Variants in GNMT observed in about 807,000 individuals in gnomAD.
The protein encoded by GNMT is glycine N-methyltransferase.
GNMT carries 26 observed loss-of-function variants against 30.2 expected under a neutral mutation model. The observed-to-expected ratio is 0.86, with a 90% confidence interval of 0.63 to 1.19. The LOEUF (loss-of-function observed/expected upper bound fraction) is 1.19, where lower values mean the gene tolerates loss of function less well. GNMT is among the 50% of genes most tolerant of loss of function. The pLI, the probability that GNMT is intolerant of heterozygous loss-of-function variation, is 0.00. For missense variants in GNMT, 365 were observed against 398.1 expected, an observed-to-expected ratio of 0.92 and a Z score of 0.71; for synonymous variants, 163 against 163.8, an observed-to-expected ratio of 1.00 and a Z score of 0.04.
At position 42,963,138 on chromosome 6, in the gene GNMT, T is replaced by C. The variant is rs1294950348; in HGVS notation, c.518T>C (p.Leu173Pro). ...IASMVRAGGLLVIDHRNYDHI... is the reference protein window; with the variant it reads ...IASMVRAGGLPVIDHRNYDHI... ...AGCATGGTGCGGGCAGGGGGCCTACTGGTCATTGATCATCGCAACTACGAC... is the reference window on the plus strand; with the variant it reads ...AGCATGGTGCGGGCAGGGGGCCTACCGGTCATTGATCATCGCAACTACGAC... The change falls in exon 4 of 6, where the codon CTG becomes CCG. Residue 173 changes from leucine (L) to proline (P), a missense_variant. Transcript: ENST00000372808. 1.9e-6 allele frequency: 3 copies of C among 1,612,384 alleles called. No homozygotes were observed. Among genetic ancestry groups the C allele is most frequent in the African/African-American group, 2.7e-5 (2 of 74,636 alleles).
rs761542499 is a variant in GNMT at position 42,963,712 on chromosome 6, G to C, written c.*6G>C. The stretch of plus-strand genomic sequence containing the variant: ...TGCTCAAGAGGACAGACTGAGTGTG[G>C]CCTCAGCTCCCACAAGCCTCTGCCC... On this transcript the variant is annotated 3_prime_UTR_variant, in exon 6 of 6. Coordinates refer to ENST00000372808, the MANE Select transcript of GNMT (RefSeq NM_018960.6). 4 of 1,613,242 alleles carry C rather than the reference G, an allele frequency of 2.5e-6. No individual in the cohort carries two copies. Among genetic ancestry groups the C allele is most frequent in the Non-Finnish European group, 3.4e-6 (4 of 1,179,460 alleles).
In GNMT at chr6:42,960,842, G is replaced by A. The variant is rs1379818398; in HGVS notation, c.75G>A (p.Gly25=). ...GGCTCCCGGACCAGTACGCGGACGG[G>A]GAGGCGGCGCGCGTGTGGCAGCTGT... ...AEGLPDQYAD[G]EAARVWQLYI... The change falls in exon 1 of 6, where the codon GGG becomes GGA. Residue 25 remains glycine, a synonymous_variant. Transcript: ENST00000372808. 7 of 1,557,060 alleles carry A rather than the reference G, an allele frequency of 4.5e-6. No individual in the cohort carries two copies. In the East Asian group the frequency reaches 7.2e-5, roughly 16 times the overall value.
chr6:42,962,614 C>T, intron 2 of GNMT, 148 bp from the exon 3 acceptor site: 1 of 799,416 alleles, frequency 1.3e-6, no homozygotes, highest in Non-Finnish European at 2.2e-6. Flanking sequence ...GGTTCCTTCT[C>T]CCTTGATCCC....
chr6:42,963,361 C>CT lies in GNMT; in HGVS notation c.629dup (p.Ile211AspfsTer30), dbSNP rs1561816962. 4 of 1,613,244 alleles carry CT rather than the reference C, an allele frequency of 2.5e-6. No homozygotes were observed. The highest frequency in any genetic ancestry group is 2.5e-6 in the Non-Finnish European group (3 of 1,179,622). ...GACCAAGGACGTCACAACATCAGTG[C>CT]TGATAGTGAACAACAAGGCCCACAT... is the stretch of plus-strand genomic sequence containing the variant. On this transcript the variant is annotated frameshift_variant, in exon 5 of 6. Transcript: ENST00000372808. LOFTEE classifies it high-confidence loss of function.
At chr6:42,961,870 C>G (rs1242442949) in intron 1 of GNMT, among the ~76,000 whole-genome samples, 1 of 152,138 alleles carries the variant, frequency 6.6e-6, no homozygotes, top group Non-Finnish European at 1.5e-5. Context: ...GTGCTCTAAA[C>G]CACCATGTTC....
chr6:42,961,572 GAGATGAA>G (rs1769391882), intron 1 of GNMT, among the ~76,000 whole-genome samples: 2 of 67,122 alleles, frequency 3.0e-5, no homozygotes, highest in Non-Finnish European at 5.9e-5. Flanking sequence ...TTTTTTTTTT[GAGATGAA>G]GTCGTGCTCT....
In GNMT at chr6:42,960,833, C is replaced by T. The variant is rs1210139050; in HGVS notation, c.66C>T (p.Tyr22=). The part of the protein sequence containing the change: ...GVAAEGLPDQ[Y]ADGEAARVWQ... ...CGGCCGAAGGGCTCCCGGACCAGTA[C>T]GCGGACGGGGAGGCGGCGCGCGTGT... Residue 22 remains tyrosine, a synonymous_variant, in exon 1 of 6, where the codon TAC becomes TAT. Coordinates refer to ENST00000372808, the MANE Select transcript of GNMT (RefSeq NM_018960.6). 6.4e-7 allele frequency: 1 copy of T among 1,558,220 alleles called. No individual in the cohort carries two copies. Among genetic ancestry groups the T allele is most frequent in the Admixed American group, 1.9e-5 (1 of 52,446 alleles).
rs977270384 is a variant in GNMT, at chr6:42,962,707, C to T, written c.335-55C>T. On this transcript the variant is annotated intron_variant, in intron 2 of 5. Transcript: ENST00000372808. ...GCAGGACTGCACTTGGTGGAGGTGG[C>T]TGCTACTGGTACCATCGTGCCTCCC... The T allele has an allele frequency of 7.4e-6, 9 of 1,210,682 alleles. No individual in the cohort carries two copies. In the African/African-American group the frequency reaches 1.0e-4, roughly 14 times the overall value. 75.0% of individuals were successfully genotyped at this position (1,210,682 alleles called of 1,614,324 possible).
rs1769504712 is a variant in GNMT, at chr6:42,963,063, G to A, written c.452-9G>A. On this transcript the variant is annotated splice_polypyrimidine_tract_variant and intron_variant, in intron 3 of 5. Transcript: ENST00000372808. ...AGATGGAGTCTTTCTGCCCGTGCCT[G>A]GAGCTCAGGGGACCAGAGTGAGCAC... is the stretch of plus-strand genomic sequence containing the variant. 2 of 1,611,392 alleles carry A rather than the reference G, an allele frequency of 1.2e-6. No homozygotes were observed. Among genetic ancestry groups the A allele is most frequent in the Non-Finnish European group, 8.5e-7 (1 of 1,179,982 alleles).
chr6:42,961,679 G>T (rs1040221379), intron 1 of GNMT, among the ~76,000 whole-genome samples: 2 of 150,432 alleles, frequency 1.3e-5, no homozygotes, highest in African/African-American at 4.9e-5. Flanking sequence ...TCAGCCTCCC[G>T]AGTAGCTGGG....
intron 2 of GNMT, 79 bp downstream of exon 2, chr6:42,962,418 G>A (rs1769452562): frequency 6.8e-7 from 1 of 1,471,244 alleles, no homozygotes; most frequent in Middle Eastern, 2.1e-4. Context: ...TTTAAGTGGG[G>A]GCGGGGGTGG....
chr6:42,962,365 C>T (rs777594419), intron 2 of GNMT, 26 bp downstream of exon 2: 2 of 1,613,230 alleles, frequency 1.2e-6, no homozygotes, highest in Non-Finnish European at 1.7e-6. Flanking sequence ...CAGGCTCCCC[C>T]AGCCCAGTCA....
Position 42,963,328 on chromosome 6 carries a change from A to C in GNMT, c.595A>C (p.Ser199Arg), listed in dbSNP as rs1395049077. Residue 199 changes from serine to arginine, a missense_variant and splice_region_variant, in exon 5 of 6, where the codon AGT (serine) becomes CGT (arginine). This residue lies in a region of GNMT where 232 missense variants were observed against 263.0 expected (regional missense o/e 0.88). Transcript: ENST00000372808. ...ATGCCGGCTGCCCCACCACCTACAG[A>C]GTGACTTGACCAAGGACGTCACAAC... ...APPGKNIYYK[S>R]DLTKDVTTSV... 9 of 1,609,620 alleles carry C rather than the reference A, an allele frequency of 5.6e-6. No homozygotes were observed. The highest frequency in any genetic ancestry group is 7.6e-6 in the Non-Finnish European group (9 of 1,178,004).
Position 42,960,797 on chromosome 6 carries a change from C to T in GNMT, c.30C>T (p.Ser10=). MVDSVYRTR[S]LGVAAEGLPD... Reference sequence around the variant, plus strand: ...TGGACAGCGTGTACCGGACCCGCTCCCTGGGGGTGGCGGCCGAAGGGCTCC... The same window carrying T: ...TGGACAGCGTGTACCGGACCCGCTCTCTGGGGGTGGCGGCCGAAGGGCTCC... Residue 10 remains serine, a synonymous_variant, in exon 1 of 6, where the codon TCC becomes TCT. Transcript: ENST00000372808. The T allele has an allele frequency of 6.4e-7, 1 of 1,552,862 alleles. No individual in the cohort carries two copies. Among genetic ancestry groups the T allele is most frequent in the East Asian group, 2.4e-5 (1 of 41,694 alleles).
Position 42,963,122 on chromosome 6 carries a change from C to T in GNMT, c.502C>T (p.Arg168Trp), listed in dbSNP as rs772929804. The T allele has an allele frequency of 1.6e-5, 26 of 1,612,422 alleles. No homozygotes were observed. The highest frequency in any genetic ancestry group is 2.1e-5 in the Non-Finnish European group (25 of 1,179,850). Residue 168 changes from arginine (R) to tryptophan (W), a missense_variant, in exon 4 of 6, where the codon CGG becomes TGG. Arg to Trp is a moderately radical substitution (Grantham distance 101). Coordinates refer to ENST00000372808, the MANE Select transcript of GNMT (RefSeq NM_018960.6). ...GCTGAAAAACATTGCGAGCATGGTG[C>T]GGGCAGGGGGCCTACTGGTCATTGA... Reference protein sequence around the residue: ...LALKNIASMVRAGGLLVIDHR... With the variant: ...LALKNIASMVWAGGLLVIDHR...
rs1397250238 is a variant in GNMT, at chr6:42,963,070, A to G, written c.452-2A>G. The G allele has an allele frequency of 6.2e-7, 1 of 1,611,734 alleles. No homozygotes were observed. The highest frequency in any genetic ancestry group is 1.1e-5 in the South Asian group (1 of 91,002). ...GTCTTTCTGCCCGTGCCTGGAGCTC[A>G]GGGGACCAGAGTGAGCACCGGCTGG... On this transcript the variant is annotated splice_acceptor_variant, in intron 3 of 5. Transcript: ENST00000372808. LOFTEE classifies it high-confidence loss of function.
Position 42,963,053 on chromosome 6 carries a change from G to A in GNMT, c.452-19G>A. The A allele has an allele frequency of 1.2e-6, 2 of 1,610,984 alleles. No homozygotes were observed. Among genetic ancestry groups the A allele is most frequent in the Non-Finnish European group, 1.7e-6 (2 of 1,179,936 alleles). On this transcript the variant is annotated intron_variant, in intron 3 of 5. Coordinates refer to ENST00000372808, the MANE Select transcript of GNMT (RefSeq NM_018960.6). ...GGCCCTGAGCAGATGGAGTCTTTCT[G>A]CCCGTGCCTGGAGCTCAGGGGACCA...
At chr6:42,961,197 C>T (rs1769368637) in intron 1 of GNMT, among the ~76,000 whole-genome samples, 1 of 152,082 alleles carries the variant, frequency 6.6e-6, no homozygotes, top group African/African-American at 2.4e-5. Flanking sequence ...GGAGAGGCCC[C>T]GGAGAAGGGA....
At chr6:42,962,120 A>G in intron 1 of GNMT, 92 bp from the exon 2 acceptor site, 1 of 1,393,930 alleles carries the variant, frequency 7.2e-7, no homozygotes. Flanking sequence ...TCTGAGAAGT[A>G]GAGACAAAAG....
Sources: gnomAD v4.1 joint callset for allele counts (sites outside exome capture counted in the v4.1 genomes callset) on GRCh38, gnomAD v4.1.1 for gene constraint, gnomAD v4.1.1 regional missense constraint, MANE v1.5 for transcripts, NCBI Gene and HGNC (gene_info 2026-07-23, HGNC 2026-07-21) for gene names.